Variants in CYP51A1 observed in about 807,000 individuals in gnomAD.
The protein encoded by CYP51A1 is lanosterol 14-alpha demethylase.
A neutral mutation model predicts 53.5 loss-of-function variants in CYP51A1; 45 were observed. The ratio of observed to expected loss-of-function variants is 0.84; its 90% CI spans 0.66 to 1.08. The LOEUF is 1.08. CYP51A1 is among the 50% of genes least tolerant of loss of function. The pLI, the probability that CYP51A1 is intolerant of heterozygous loss-of-function variation, is 0.00. For missense variants in CYP51A1, 462 were observed against 621.7 expected, an observed-to-expected ratio of 0.74 and a Z score of 2.73; for synonymous variants, 181 against 217.7, an observed-to-expected ratio of 0.83 and a Z score of 1.48.
chr7:92,126,509 G>C (rs2130952370), intron 4 of CYP51A1, 82 bp from the exon 5 acceptor site: 1 of 1,209,614 alleles, frequency 8.3e-7, no homozygotes, highest in East Asian at 2.5e-5. Context: ...AACTCAAGAA[G>C]AAACAAGATC....
chr7:92,134,025 G>A (rs1819984869), intron 1 of CYP51A1, 148 bp downstream of exon 1: 1 of 717,394 alleles, frequency 1.4e-6, no homozygotes, highest in Non-Finnish European at 2.2e-6. Flanking sequence ...CAGCGCGCCT[G>A]CCACCAAAGC....
At position 92,131,920 on chromosome 7, in the gene CYP51A1, G is replaced by A; in HGVS notation, c.193-48C>T. ...ATTCAATTCGTGTTTCATTTCAAGAGAGAAACCCAGTTTCGTTTCATGACC... is the reference window on the plus strand; with the variant it reads ...ATTCAATTCGTGTTTCATTTCAAGAAAGAAACCCAGTTTCGTTTCATGACC... On this transcript the variant is annotated intron_variant, in intron 1 of 9. Transcript: ENST00000003100. 3 of 1,160,142 alleles carry A rather than the reference G, an allele frequency of 2.6e-6. No homozygotes were observed. The East Asian group carries it at 7.1e-5, about 27-fold the overall frequency. The allele number at this position is 1,160,142 out of a possible 1,614,324, so 71.9% of individuals were successfully genotyped here. A position where few individuals can be genotyped will look rare whatever the true frequency, so the allele number is the denominator to read the frequency against.
Position 92,113,157 on chromosome 7 carries a change from A to G in CYP51A1, c.*508T>C, listed in dbSNP as rs1238834483. 6.6e-6 allele frequency: 1 copy of G among 152,290 alleles called. No individual in the cohort carries two copies. The highest frequency in any genetic ancestry group is 1.5e-5 in the Non-Finnish European group (1 of 68,136). 9.4% of individuals were successfully genotyped at this position (152,290 alleles called of 1,614,324 possible). A position where few individuals can be genotyped will look rare whatever the true frequency, so the allele number is the denominator to read the frequency against. ...TGAGTATCATCATACCAAAACAATT[A>G]GTATTCTCTTATTCAAGGCTTTAGA... is the stretch of plus-strand genomic sequence containing the variant. On this transcript the variant is annotated 3_prime_UTR_variant, in exon 10 of 10. Coordinates refer to ENST00000003100, the MANE Select transcript of CYP51A1 (RefSeq NM_000786.4).
intron 9 of CYP51A1, among the ~76,000 whole-genome samples, chr7:92,115,443 G>A (rs1414892443): frequency 6.6e-6 from 1 of 152,144 alleles, no homozygotes; most frequent in African/African-American, 2.4e-5. Context: ...GAAGACAGGG[G>A]TAGTAATTGG....
chr7:92,122,408 G>T (rs557602429), intron 7 of CYP51A1, among the ~76,000 whole-genome samples: 2 of 151,874 alleles, frequency 1.3e-5, no homozygotes, highest in South Asian at 4.2e-4. Flanking sequence ...TGAAACTAGA[G>T]ATCAATATCC....
Position 92,112,829 on chromosome 7 carries a change from A to AAC in CYP51A1, c.*835_*836insGT, listed in dbSNP as rs1819458909. ...GGGCAACAGAGCGAGACTCCATCTC[A>AAC]AAAAAAAAAAAAAAAAAAGGAAGCA... On this transcript the variant is annotated 3_prime_UTR_variant, in exon 10 of 10. Transcript: ENST00000003100. 7.2e-6 allele frequency: 1 copy of AAC among 137,976 alleles called. No individual in the cohort carries two copies. Among genetic ancestry groups the AAC allele is most frequent in the Non-Finnish European group, 1.6e-5 (1 of 63,134 alleles). The allele number at this position is 137,976 out of a possible 1,614,324, so 8.5% of individuals were successfully genotyped here.
At chr7:92,119,878 A>C (rs181999364) in intron 7 of CYP51A1, among the ~76,000 whole-genome samples, 1 of 152,304 alleles carries the variant, frequency 6.6e-6, no homozygotes, top group Admixed American at 6.5e-5. Context: ...ATGCCTAGAT[A>C]TCTCTAGTAA....
Position 92,123,164 on chromosome 7 carries a change from T to C in CYP51A1, c.1042A>G (p.Lys348Glu). 1.2e-6 allele frequency: 2 copies of C among 1,613,908 alleles called. No homozygotes were observed. The highest frequency in any genetic ancestry group is 1.7e-6 in the Non-Finnish European group (2 of 1,179,808). ...TLQKKCYLEQ[K>E]TVCGENLPPL... is the part of the protein sequence containing the mutation. ...GGCAGATTCTCTCCACAGACTGTTT[T>C]CTGTTCTAAATAACATTTTTTTTGA... The change falls in exon 7 of 10, where the codon AAA becomes GAA. Residue 348 changes from lysine to glutamate, a missense_variant. By Grantham distance (56) the Lys-to-Glu change is moderately conservative (BLOSUM62 1). Transcript: ENST00000003100.
Position 92,112,741 on chromosome 7 carries a change from A to G in CYP51A1, c.*924T>C, listed in dbSNP as rs1472392930. The G allele has an allele frequency of 6.6e-6, 1 of 151,020 alleles. No homozygotes were observed. The highest frequency in any genetic ancestry group is 1.5e-5 in the Non-Finnish European group (1 of 67,946). The allele number at this position is 151,020 out of a possible 1,614,324, so 9.4% of individuals were successfully genotyped here. ...ACTACTTGGGAGGCTGAGGCAGAGA[A>G]TTGCTTGAACCCGGGAGGCAGAGGA... On this transcript the variant is annotated 3_prime_UTR_variant, in exon 10 of 10. Coordinates refer to ENST00000003100, the MANE Select transcript of CYP51A1 (RefSeq NM_000786.4).
intron 1 of CYP51A1, among the ~76,000 whole-genome samples, chr7:92,133,267 T>C (rs992108304): frequency 1.1e-4 from 16 of 151,958 alleles, no homozygotes; most frequent in Non-Finnish European, 1.8e-4. Context: ...GATTTTTTTT[T>C]TTTTTGAGAC....
At chr7:92,116,809 A>C (rs1819587096) in intron 9 of CYP51A1, among the ~76,000 whole-genome samples, 1 of 152,196 alleles carries the variant, frequency 6.6e-6, no homozygotes, top group South Asian at 2.1e-4. Flanking sequence ...GACCTAATAA[A>C]ACCAGACAGG....
chr7:92,128,448 G>C (rs1217968166), intron 3 of CYP51A1, among the ~76,000 whole-genome samples: 1 of 147,330 alleles, frequency 6.8e-6, no homozygotes, highest in Non-Finnish European at 1.5e-5. Flanking sequence ...GTGTGTGTGT[G>C]TGTGTGTGCG....
chr7:92,113,798 T>C lies in CYP51A1; in HGVS notation c.1397A>G (p.Lys466Arg), dbSNP rs55756240. The change falls in exon 10 of 10, where the codon AAG (lysine) becomes AGG (arginine). Residue 466 changes from lysine to arginine, a missense_variant. Transcript: ENST00000003100. ...IGENFAYVQI[K>R]TIWSTMLRLY... is the part of the protein sequence containing the mutation. ...ACGAAGCATAGTGGACCAAATTGTC[T>C]TAATTTGAACATAGGCAAAATTTTC... 4 of 1,611,282 alleles carry C rather than the reference T, an allele frequency of 2.5e-6. No individual in the cohort carries two copies. The South Asian group carries it at 4.4e-5, about 18-fold the overall frequency.
chr7:92,128,437 TGTGTGTGTGTGTGTGTGTGCGC>T (rs1298175971), intron 3 of CYP51A1, among the ~76,000 whole-genome samples: 1 of 147,152 alleles, frequency 6.8e-6, no homozygotes, highest in Non-Finnish European at 1.5e-5. Flanking sequence ...TCTGTGTGTG[TGTGTGTGTGTGTGTGTGTGCGC>T]GTGCGTGTGT....
In CYP51A1 at chr7:92,126,369, T is replaced by C; in HGVS notation, c.654A>G (p.Gly218=). 3.1e-6 allele frequency: 5 copies of C among 1,613,792 alleles called. No homozygotes were observed. Among genetic ancestry groups the C allele is most frequent in the Non-Finnish European group, 4.2e-6 (5 of 1,179,828 alleles). ...CATTGAGTTGACTTCTGATTTCCTT[T>C]CCATGCAAACAATGGCTAGCTGTTA... ...IILTASHCLH[G]KEIRSQLNEK... The change falls in exon 5 of 10, where the codon GGA becomes GGG. Residue 218 remains glycine (G), a synonymous_variant. Coordinates refer to ENST00000003100, the MANE Select transcript of CYP51A1 (RefSeq NM_000786.4).
Position 92,130,149 on chromosome 7 carries a change from A to C in CYP51A1, c.292-1093T>G, listed in dbSNP as rs112742341. On this transcript the variant is annotated intron_variant, in intron 2 of 9. Coordinates refer to ENST00000003100, the MANE Select transcript of CYP51A1 (RefSeq NM_000786.4). Reference sequence around the variant, plus strand: ...CCGATAAGAGGCAAAATATAGTTGTAATAAAATCAAAGTGGTAGAACGCAG... The same window carrying C: ...CCGATAAGAGGCAAAATATAGTTGTCATAAAATCAAAGTGGTAGAACGCAG... Among the ~76,000 whole-genome samples the C allele has an allele frequency of 9.7e-3, 1,471 of 152,326 alleles. 24 individuals carry two copies. Among genetic ancestry groups the C allele is most frequent in the African/African-American group, 0.033 (1,377 of 41,566 alleles).
chr7:92,123,852 GT>G lies in CYP51A1; in HGVS notation c.771del (p.Arg257SerfsTer36). On this transcript the variant is annotated frameshift_variant and splice_region_variant, in exon 6 of 10. Transcript: ENST00000003100. LOFTEE classifies it high-confidence loss of function. ...ATTTCCCGATGAGCTCTGTCCCTGCGTCTGTAATTAAAAGATAAAGATGATT... is the reference window on the plus strand; with the variant it reads ...ATTTCCCGATGAGCTCTGTCCCTGCGCTGTAATTAAAAGATAAAGATGATT... ...LPGWLPLPSF[R>X]RRDRAHREIK... is the part of the protein sequence containing the mutation. The G allele has an allele frequency of 6.3e-7, 1 of 1,578,390 alleles. No individual in the cohort carries two copies. Among genetic ancestry groups the G allele is most frequent in the South Asian group, 1.2e-5 (1 of 85,016 alleles).
In CYP51A1 at chr7:92,131,803, T is replaced by C. The variant is rs138205508; in HGVS notation, c.262A>G (p.Ile88Val). 547 of 1,578,862 alleles carry C rather than the reference T, an allele frequency of 3.5e-4. 3 individuals carry two copies. In the African/African-American group the frequency reaches 6.0e-3, roughly 17 times the overall value. The change falls in exon 2 of 10, where the codon ATT becomes GTT. Residue 88 changes from isoleucine to valine, a missense_variant. By Grantham distance (29) the Ile-to-Val change is conservative. Coordinates refer to ENST00000003100, the MANE Select transcript of CYP51A1 (RefSeq NM_000786.4). Reference protein sequence around the residue: ...GHAIAFGKSPIEFLENAYEKY... With the variant: ...GHAIAFGKSPVEFLENAYEKY... ...TCATATGCATTTTCTAGAAATTCAA[T>C]TGGACTTTTCCCAAATGCTATGGCA...
chr7:92,118,989 G>C (rs1266196060), intron 7 of CYP51A1, among the ~76,000 whole-genome samples: 4 of 152,218 alleles, frequency 2.6e-5, no homozygotes, highest in African/African-American at 9.6e-5. Flanking sequence ...AGAAGAGTAA[G>C]CTTTGTGGTA....
Sources: allele counts gnomAD v4.1 joint callset (sites outside exome capture counted in the v4.1 genomes callset), GRCh38; gene constraint gnomAD v4.1.1; transcripts MANE v1.5; gene names NCBI Gene and HGNC (gene_info 2026-07-23, HGNC 2026-07-21).